Variants in CNTNAP5 observed in about 807,000 individuals in gnomAD.
CNTNAP5 encodes the protein contactin-associated protein-like 5.
A neutral mutation model predicts 150.2 loss-of-function variants in CNTNAP5; 72 were observed. The ratio of observed to expected loss-of-function variants is 0.48; its 90% CI spans 0.40 to 0.58. The LOEUF (loss-of-function observed/expected upper bound fraction) is 0.58, where lower values mean the gene tolerates loss of function less well. Ranked by LOEUF, CNTNAP5 falls within the 20% of genes least tolerant of loss-of-function variation. The probability of loss-of-function intolerance (pLI) is 0.00; values close to 1 mark genes in which losing one functional copy is unlikely to be tolerated. For synonymous variants in CNTNAP5, 672 were observed against 619.8 expected (o/e 1.08, Z -1.25); for missense variants, 1,636 against 1,626.2 (o/e 1.01, Z -0.10).
At chr2:124,667,290 G>T (rs1270950346) in intron 13 of CNTNAP5, among the ~76,000 whole-genome samples, 1 of 152,200 alleles carries the variant, frequency 6.6e-6, no homozygotes, top group East Asian at 1.9e-4. Flanking sequence ...TGCAATCTCA[G>T]AGGATTGTTT....
At chr2:124,843,502 A>C (rs577623152) in intron 19 of CNTNAP5, among the ~76,000 whole-genome samples, 1 of 152,176 alleles carries the variant, frequency 6.6e-6, no homozygotes, top group South Asian at 2.1e-4. Context: ...TTTTTCATAT[A>C]ATGAATTCTT....
intron 14 of CNTNAP5, among the ~76,000 whole-genome samples, chr2:124,750,677 G>T (rs1192689258): frequency 1.3e-5 from 2 of 151,936 alleles, no homozygotes; most frequent in African/African-American, 4.8e-5. Context: ...AGTAATGGTG[G>T]TTTTTGTCAT....
intron 21 of CNTNAP5, among the ~76,000 whole-genome samples, chr2:124,890,213 C>G (rs929776423): frequency 1.3e-5 from 2 of 152,108 alleles, no homozygotes; most frequent in Admixed American, 1.3e-4. Flanking sequence ...AACCTCCACA[C>G]TTGAAATTTT....
At chr2:124,871,272 A>G (rs1395089099) in intron 21 of CNTNAP5, among the ~76,000 whole-genome samples, 2 of 151,350 alleles carry the variant, frequency 1.3e-5, no homozygotes, top group Non-Finnish European at 2.9e-5. Context: ...ACATATACAT[A>G]TTTACTTACT....
chr2:124,590,822 G>A (rs560577601), intron 11 of CNTNAP5, among the ~76,000 whole-genome samples: 1 of 152,092 alleles, frequency 6.6e-6, no homozygotes, highest in Non-Finnish European at 1.5e-5. Context: ...AAATGGCAGT[G>A]CAGAAACACC....
At chr2:124,070,465 A>G (rs1251027592) in intron 1 of CNTNAP5, among the ~76,000 whole-genome samples, 2 of 151,402 alleles carry the variant, frequency 1.3e-5, no homozygotes, top group Non-Finnish European at 3.0e-5. Context: ...CACCTCACAT[A>G]TAAAGATACA....
intron 7 of CNTNAP5, among the ~76,000 whole-genome samples, chr2:124,500,913 C>T (rs1694264747): frequency 6.6e-6 from 1 of 152,126 alleles, no homozygotes; most frequent in South Asian, 2.1e-4. Context: ...TCATCTGGAA[C>T]AGCAGTCACA....
chr2:124,156,145 A>T lies in CNTNAP5; in HGVS notation c.83-65560A>T, dbSNP rs1012910944. Among the ~76,000 whole-genome samples, 12 of 152,250 alleles carry T rather than the reference A, an allele frequency of 7.9e-5. No individual in the cohort carries two copies. The South Asian group carries it at 8.3e-4, about 10-fold the overall frequency. ...TAATCTTGATTTCGTAAAAGGGTTA[A>T]GGCTTTGAGAAGCTCATGGTCGACT... is the stretch of plus-strand genomic sequence containing the variant. On this transcript the variant is annotated intron_variant, in intron 1 of 23. Transcript: ENST00000682447.
intron 13 of CNTNAP5, among the ~76,000 whole-genome samples, chr2:124,655,295 T>C (rs1037506610): frequency 6.6e-6 from 1 of 152,124 alleles, no homozygotes; most frequent in Non-Finnish European, 1.5e-5. Flanking sequence ...GTTTTCAGCT[T>C]CATCCATGTC....
chr2:124,619,908 CATATATAT>C (rs10540154), intron 12 of CNTNAP5, among the ~76,000 whole-genome samples: 14 of 115,524 alleles, frequency 1.2e-4, no homozygotes, highest in East Asian at 2.6e-4. Context: ...CTGTCTCATT[CATATATAT>C]ATATATATAT....
intron 3 of CNTNAP5, among the ~76,000 whole-genome samples, chr2:124,416,501 T>C (rs867987966): frequency 6.6e-6 from 1 of 152,202 alleles, no homozygotes; most frequent in Non-Finnish European, 1.5e-5. Context: ...TTGCTTAAAC[T>C]TCACAAGGAA....
intron 14 of CNTNAP5, among the ~76,000 whole-genome samples, chr2:124,759,347 A>ATT (rs1680906710): frequency 6.8e-6 from 1 of 146,254 alleles, no homozygotes; most frequent in Non-Finnish European, 1.5e-5. Flanking sequence ...ATATATATAC[A>ATT]TTATATATAT....
chr2:124,727,982 C>T (rs1366615720), intron 13 of CNTNAP5, among the ~76,000 whole-genome samples: 1 of 151,928 alleles, frequency 6.6e-6, no homozygotes, highest in East Asian at 1.9e-4. Flanking sequence ...TACATTCCTT[C>T]TACTTAATTT....
chr2:124,232,003 C>CT (rs933650048), intron 2 of CNTNAP5, among the ~76,000 whole-genome samples: 34 of 149,638 alleles, frequency 2.3e-4, no homozygotes, highest in African/African-American at 4.6e-4. Context: ...TCATCCTTTA[C>CT]TTTTTTTTTT....
At chr2:124,061,736 G>C (rs996927967) in intron 1 of CNTNAP5, among the ~76,000 whole-genome samples, 2 of 152,104 alleles carry the variant, frequency 1.3e-5, no homozygotes, top group African/African-American at 4.8e-5. Flanking sequence ...TAACAGAATT[G>C]GGTTTAATAC....
At position 124,895,167 on chromosome 2, in the gene CNTNAP5, TACCTATC is replaced by T. The variant is rs1193587330; in HGVS notation, c.3437-7713_3437-7707del. Reference sequence around the variant, plus strand: ...TTTTACTTCTTGTATCATTAATATCTACCTATCATCTATCTATTTCTTCATCCTTTTA... The same window carrying T: ...TTTTACTTCTTGTATCATTAATATCTATCTATCTATTTCTTCATCCTTTTA... On this transcript the variant is annotated intron_variant, in intron 21 of 23. Transcript: ENST00000682447. Among the ~76,000 whole-genome samples, 4 of 151,764 alleles carry T rather than the reference TACCTATC, an allele frequency of 2.6e-5. No individual in the cohort carries two copies. In the East Asian group the frequency reaches 7.7e-4, roughly 29 times the overall value.
At chr2:124,126,600 C>A (rs1220850174) in intron 1 of CNTNAP5, among the ~76,000 whole-genome samples, 3 of 149,972 alleles carry the variant, frequency 2.0e-5, no homozygotes, top group Non-Finnish European at 4.5e-5. Context: ...GGCAGAGACA[C>A]AACAAAAAAA....
At chr2:124,333,458 A>T (rs7574198) in intron 3 of CNTNAP5, among the ~76,000 whole-genome samples, 3 of 152,076 alleles carry the variant, frequency 2.0e-5, no homozygotes, top group Non-Finnish European at 4.4e-5. Context: ...GAGAAAGAAC[A>T]TAAGTTTTTC....
intron 3 of CNTNAP5, among the ~76,000 whole-genome samples, chr2:124,276,997 G>A (rs1687898526): frequency 6.6e-6 from 1 of 152,088 alleles, no homozygotes; most frequent in Admixed American, 6.6e-5. Context: ...CTGAAGTGGT[G>A]CAGATATTAG....
Sources: allele counts gnomAD v4.1 joint callset (sites outside exome capture counted in the v4.1 genomes callset), GRCh38; gene constraint gnomAD v4.1.1; transcripts MANE v1.5; gene names NCBI Gene and HGNC (gene_info 2026-07-23, HGNC 2026-07-21).